Variants in PTCHD4 observed in about 807,000 individuals in gnomAD.
PTCHD4 encodes the protein patched domain containing 4, also known as patched domain-containing protein 4.
PTCHD4 carries 33 observed loss-of-function variants against 58.1 expected under a neutral mutation model. That is an observed-to-expected ratio of 0.57 (90% CI 0.43 to 0.76). The LOEUF (loss-of-function observed/expected upper bound fraction) is 0.76, where lower values mean the gene tolerates loss of function less well. Among genes scored for constraint, PTCHD4 ranks in the 30% least tolerant of loss-of-function variants. PTCHD4 has a pLI of 0.00. For synonymous variants in PTCHD4, 478 were observed against 409.6 expected (o/e 1.17, Z -2.02); for missense variants, 1,058 against 1,027.1 (o/e 1.03, Z -0.41).
At chr6:48,001,739 A>T (rs1486751473) in intron 4 of PTCHD4, among the ~76,000 whole-genome samples, 1 of 152,242 alleles carries the variant, frequency 6.6e-6, no homozygotes, top group Non-Finnish European at 1.5e-5. Flanking sequence ...CAATGGCAAC[A>T]AAAGCCAAAA....
intron 4 of PTCHD4, among the ~76,000 whole-genome samples, chr6:48,006,568 C>T (rs1167095413): frequency 1.3e-5 from 2 of 152,056 alleles, no homozygotes; most frequent in Admixed American, 6.6e-5. Flanking sequence ...AGCGATGAGA[C>T]TTCATTCAAA....
At chr6:48,045,170 T>C (rs904732316) in intron 3 of PTCHD4, among the ~76,000 whole-genome samples, 1 of 151,810 alleles carries the variant, frequency 6.6e-6, no homozygotes, top group South Asian at 2.1e-4. Flanking sequence ...CAGTCGGCCC[T>C]GCATCTAAAT....
rs1763713902 is a variant in PTCHD4, at chr6:47,871,544, C to T, written c.*6759G>A. Among the ~76,000 whole-genome samples, 1 of 151,556 alleles carries T rather than the reference C, an allele frequency of 6.6e-6. No homozygotes were observed. The highest frequency in any genetic ancestry group is 2.1e-4 in the South Asian group (1 of 4,824). ...AACTAACAACTGCCTTGAAAGATTT[C>T]ATATTAATGAATATTATGTTAACCA... On this transcript the variant is annotated 3_prime_UTR_variant, in exon 5 of 5. Coordinates refer to ENST00000339488, the MANE Select transcript of PTCHD4 (RefSeq NM_001384253.1).
At chr6:48,065,644 T>C (rs1764768596) in intron 3 of PTCHD4, among the ~76,000 whole-genome samples, 1 of 152,198 alleles carries the variant, frequency 6.6e-6, no homozygotes, top group African/African-American at 2.4e-5. Flanking sequence ...TAGGCATCCA[T>C]GGTACTCCTA....
At chr6:48,048,102 C>T (rs1303259386) in intron 3 of PTCHD4, among the ~76,000 whole-genome samples, 1 of 149,462 alleles carries the variant, frequency 6.7e-6, no homozygotes, top group Non-Finnish European at 1.5e-5. Flanking sequence ...GGGTAATGAA[C>T]TGTTGTGAAA....
At position 47,979,681 on chromosome 6, in the gene PTCHD4, C is replaced by T. The variant is rs537443736; in HGVS notation, c.898+28953G>A. On this transcript the variant is annotated intron_variant, in intron 4 of 4. Coordinates refer to ENST00000339488, the MANE Select transcript of PTCHD4 (RefSeq NM_001384253.1). ...GTCTAATATTAATATTCAATTAGTA[C>T]CTAATATCCAATTTGATATGCCATA... Among the ~76,000 whole-genome samples, 16 of 152,042 alleles carry T rather than the reference C, an allele frequency of 1.1e-4. No homozygotes were observed. In the South Asian group the frequency reaches 1.9e-3, roughly 18 times the overall value.
intron 3 of PTCHD4, among the ~76,000 whole-genome samples, chr6:48,027,235 A>G (rs1012024789): frequency 6.6e-6 from 1 of 152,160 alleles, no homozygotes; most frequent in African/African-American, 2.4e-5. Context: ...AGTGCTTATT[A>G]TAAATAAAAT....
intron 1 of PTCHD4, among the ~76,000 whole-genome samples, chr6:48,109,650 A>G (rs1489853138): frequency 2.6e-5 from 4 of 152,102 alleles, no homozygotes; most frequent in African/African-American, 9.7e-5. Context: ...TTTGCAAGCT[A>G]TATATCTGAT....
At chr6:48,083,206 T>C (rs573575785) in intron 1 of PTCHD4, among the ~76,000 whole-genome samples, 2 of 151,534 alleles carry the variant, frequency 1.3e-5, no homozygotes, top group East Asian at 1.9e-4. Flanking sequence ...AAGCTTTTTC[T>C]GTAAAGGGCT....
rs775535982 is a variant in PTCHD4 at position 48,068,488 on chromosome 6, G to A, written c.159C>T (p.Phe53=). ...LTVPAVLTIT[F]GLSALNRFQP... Reference sequence around the variant, plus strand: ...GGAAGCGGTTGAGCGCGCTGAGGCCGAAGGTGATTGTCAGGACTGCGGGCA... The same window carrying A: ...GGAAGCGGTTGAGCGCGCTGAGGCCAAAGGTGATTGTCAGGACTGCGGGCA... Residue 53 remains phenylalanine (F), a synonymous_variant, in exon 3 of 5, where the codon TTC becomes TTT. Coordinates refer to ENST00000339488, the MANE Select transcript of PTCHD4 (RefSeq NM_001384253.1). This position sits in a 1 kb window ranked among gnomAD's most constrained non-coding sequence, Gnocchi z 4.2. 9.3e-6 allele frequency: 15 copies of A among 1,613,352 alleles called. No homozygotes were observed. In the African/African-American group the frequency reaches 1.3e-4, roughly 14 times the overall value.
chr6:48,092,376 T>C lies in PTCHD4; in HGVS notation c.-970+18673A>G, dbSNP rs553172668. ...CTATTTTTTATTTTGCATTTAAACA[T>C]TGAAGCATTTTGTCAATATGCAGCT... On this transcript the variant is annotated intron_variant, in intron 1 of 4. Transcript: ENST00000339488. Among the ~76,000 whole-genome samples the C allele has an allele frequency of 2.6e-5, 4 of 152,310 alleles. No individual in the cohort carries two copies. The East Asian group carries it at 5.8e-4, about 22-fold the overall frequency.
In PTCHD4 at chr6:47,857,945, C is replaced by CAAT. The variant is rs1763338807; in HGVS notation, c.*20355_*20357dup. Among the ~76,000 whole-genome samples, 1 of 151,922 alleles carries CAAT rather than the reference C, an allele frequency of 6.6e-6. No homozygotes were observed. Among genetic ancestry groups the CAAT allele is most frequent in the Admixed American group, 6.6e-5 (1 of 15,230 alleles). ...TACACATATGTACCTTGAAGACTAACAATAACATGTTTAAGGATGTCATTT... is the reference window on the plus strand; with the variant it reads ...TACACATATGTACCTTGAAGACTAACAATAATAACATGTTTAAGGATGTCATTT... On this transcript the variant is annotated 3_prime_UTR_variant, in exon 5 of 5. Coordinates refer to ENST00000339488, the MANE Select transcript of PTCHD4 (RefSeq NM_001384253.1).
rs192607904 is a variant in PTCHD4 at position 48,069,410 on chromosome 6, C to T, written c.-453G>A. 6.6e-6 allele frequency among the ~76,000 whole-genome samples: 1 copy of T among 152,262 alleles called. No individual in the cohort carries two copies. Among genetic ancestry groups the T allele is most frequent in the East Asian group, 1.9e-4 (1 of 5,148 alleles). ...CCAGGAGACAGCCTTCTCGCCCCTC[C>T]AGTTTCCCTGTGCCCTCGAATTCTG... On this transcript the variant is annotated 5_prime_UTR_variant, in exon 2 of 5. It introduces an in-frame stop codon into an upstream open reading frame of the 5' UTR. Transcript: ENST00000339488.
At chr6:47,944,659 G>C (rs570121474) in intron 4 of PTCHD4, among the ~76,000 whole-genome samples, 1 of 152,044 alleles carries the variant, frequency 6.6e-6, no homozygotes, top group East Asian at 1.9e-4. Flanking sequence ...AAGCAAATGG[G>C]AATAGTCATC....
At chr6:48,059,366 C>G (rs980386882) in intron 3 of PTCHD4, among the ~76,000 whole-genome samples, 1 of 152,060 alleles carries the variant, frequency 6.6e-6, no homozygotes, top group Non-Finnish European at 1.5e-5. Flanking sequence ...ATGGGCAGGG[C>G]GGGGTGGTTC....
intron 4 of PTCHD4, among the ~76,000 whole-genome samples, chr6:47,958,107 A>C (rs1450501784): frequency 6.6e-6 from 1 of 152,202 alleles, no homozygotes; most frequent in African/African-American, 2.4e-5. Context: ...TTAGTGTCTT[A>C]AATTACTGTG....
chr6:47,911,511 A>G (rs544956945), intron 4 of PTCHD4, among the ~76,000 whole-genome samples: 1 of 152,186 alleles, frequency 6.6e-6, no homozygotes, highest in South Asian at 2.1e-4. Context: ...CTTTTTCCAT[A>G]TAGGACCTTG....
intron 3 of PTCHD4, among the ~76,000 whole-genome samples, chr6:48,055,270 C>A (rs750816701): frequency 6.6e-6 from 1 of 152,090 alleles, no homozygotes. Flanking sequence ...AAAAGACATG[C>A]AACCTATGAT....
At chr6:47,939,034 AG>A (rs1766113306) in intron 4 of PTCHD4, among the ~76,000 whole-genome samples, 1 of 152,122 alleles carries the variant, frequency 6.6e-6, no homozygotes, top group African/African-American at 2.4e-5. Context: ...ACAAAGTTAC[AG>A]GGGGAAAATG....
Sources: gnomAD v4.1 joint callset for allele counts (sites outside exome capture counted in the v4.1 genomes callset) on GRCh38, gnomAD v4.1.1 for gene constraint, Gnocchi (gnomAD v3.1) non-coding constraint, MANE v1.5 for transcripts, NCBI Gene and HGNC (gene_info 2026-07-23, HGNC 2026-07-21) for gene names.